The following ABI1 variants were observed in gnomAD, a reference collection of about 807,000 sequenced individuals.
The protein encoded by ABI1 is Abelson interactor 1.
In ABI1, 14 loss-of-function variants were observed where a neutral mutation model predicts 54.6. The observed-to-expected ratio is 0.26, with a 90% CI of 0.17 to 0.40. The LOEUF is 0.40. Among genes scored for constraint, ABI1 ranks in the 10% least tolerant of loss-of-function variants. The pLI is 1.00. For synonymous variants in ABI1, 194 were observed against 209.3 expected (o/e 0.93, Z 0.63); for missense variants, 443 against 598.3 (o/e 0.74, Z 2.71).
At chr10:26,837,064 G>A (rs922663076) in intron 1 of ABI1, among the ~76,000 whole-genome samples, 2 of 152,246 alleles carry the variant, frequency 1.3e-5, no homozygotes, top group Admixed American at 6.5e-5. Context: ...AATGTTACCT[G>A]AGAAATCACT....
intron 8 of ABI1, among the ~76,000 whole-genome samples, chr10:26,758,068 CAAAAAAAAAAA>C (rs71403888): frequency 2.5e-4 from 17 of 67,396 alleles, no homozygotes; most frequent in East Asian, 8.8e-4. Flanking sequence ...AACTCTGTCT[CAAAAAAAAAAA>C]AAAAAAAAAA....
chr10:26,858,183 T>C (rs1455010500), intron 1 of ABI1, among the ~76,000 whole-genome samples: 4 of 152,180 alleles, frequency 2.6e-5, no homozygotes, highest in Non-Finnish European at 4.4e-5. Flanking sequence ...GATATATATT[T>C]AGGAAGAGTA....
chr10:26,779,082 AG>A (rs1190612129), intron 2 of ABI1, among the ~76,000 whole-genome samples: 1 of 152,248 alleles, frequency 6.6e-6, no homozygotes, highest in Non-Finnish European at 1.5e-5. Context: ...CTAACTCATT[AG>A]TTAACAAGGA....
intron 2 of ABI1, among the ~76,000 whole-genome samples, chr10:26,795,944 G>A (rs760820065): frequency 3.3e-5 from 5 of 151,970 alleles, no homozygotes; most frequent in Non-Finnish European, 5.9e-5. Flanking sequence ...AAGGCAATAC[G>A]GAGAAACTCC....
intron 2 of ABI1, among the ~76,000 whole-genome samples, chr10:26,800,665 A>G (rs772961352): frequency 5.3e-5 from 8 of 152,168 alleles, no homozygotes; most frequent in African/African-American, 1.7e-4. Flanking sequence ...CAGGAGGTGG[A>G]GGATGCAACG....
At chr10:26,851,961 AC>A (rs2050427738) in intron 1 of ABI1, among the ~76,000 whole-genome samples, 6 of 152,240 alleles carry the variant, frequency 3.9e-5, no homozygotes, top group Admixed American at 1.3e-4. Context: ...TTGAGGGCGC[AC>A]TTTTGAGTAA....
intron 9 of ABI1, among the ~76,000 whole-genome samples, chr10:26,752,940 A>ATTC (rs1837819924): frequency 2.6e-5 from 4 of 152,284 alleles, no homozygotes; most frequent in Admixed American, 2.6e-4. Flanking sequence ...TGCAGGGGAG[A>ATTC]AGTTCATAAT....
At chr10:26,787,385 C>T (rs1483673469) in intron 2 of ABI1, among the ~76,000 whole-genome samples, 1 of 152,136 alleles carries the variant, frequency 6.6e-6, no homozygotes, top group Non-Finnish European at 1.5e-5. Flanking sequence ...GAATCCACAA[C>T]TCTCCTCCTT....
chr10:26,819,530 G>A (rs1222287972), intron 2 of ABI1, among the ~76,000 whole-genome samples: 1 of 152,164 alleles, frequency 6.6e-6, no homozygotes, highest in African/African-American at 2.4e-5. Flanking sequence ...CAATTAGATA[G>A]AATCAGTAAA....
chr10:26,815,055 G>A (rs2047472046), intron 2 of ABI1, among the ~76,000 whole-genome samples: 1 of 152,076 alleles, frequency 6.6e-6, no homozygotes, highest in South Asian at 2.1e-4. Flanking sequence ...GCCAAGGTAT[G>A]ACAGATGTAA....
intron 1 of ABI1, 50 bp from the exon 2 acceptor site, chr10:26,823,355 A>G: frequency 7.4e-7 from 1 of 1,350,982 alleles, no homozygotes; most frequent in East Asian, 2.8e-5. Context: ...AACATTCATT[A>G]AATATATATT....
In ABI1 at chr10:26,860,920, C is replaced by A. The variant is rs1055214447; in HGVS notation, c.-57G>T. 6.6e-7 allele frequency: 1 copy of A among 1,525,564 alleles called. No homozygotes were observed. The highest frequency in any genetic ancestry group is 9.1e-7 in the Non-Finnish European group (1 of 1,102,424). 94.5% of individuals were successfully genotyped at this position (1,525,564 alleles called of 1,614,324 possible). ...TTAAAGAGACAGAGGCAGCAAGGTCCGCCGAGGCTCCGAGCACCTCACAGC... is the reference window on the plus strand; with the variant it reads ...TTAAAGAGACAGAGGCAGCAAGGTCAGCCGAGGCTCCGAGCACCTCACAGC... On this transcript the variant is annotated 5_prime_UTR_variant, in exon 1 of 11. Transcript: ENST00000376140. This position sits in a 1 kb window ranked among gnomAD's most constrained non-coding sequence, Gnocchi z 4.1.
At chr10:26,757,458 G>A (rs1182370316) in intron 8 of ABI1, among the ~76,000 whole-genome samples, 3 of 151,776 alleles carry the variant, frequency 2.0e-5, no homozygotes, top group Non-Finnish European at 4.4e-5. Context: ...TGTCTAAGTG[G>A]GGAAAAGAAA....
intron 1 of ABI1, among the ~76,000 whole-genome samples, chr10:26,835,609 T>G (rs573450403): frequency 8.7e-4 from 120 of 138,158 alleles, no homozygotes; most frequent in African/African-American, 3.3e-3. Context: ...TATACCTAAT[T>G]TTAAATACAC....
At chr10:26,841,215 G>A (rs974255024) in intron 1 of ABI1, among the ~76,000 whole-genome samples, 4 of 152,168 alleles carry the variant, frequency 2.6e-5, no homozygotes, top group African/African-American at 4.8e-5. Flanking sequence ...ACTCTAGGTG[G>A]ACATCAGCAC....
intron 10 of ABI1, 71 bp from the exon 11 acceptor site, chr10:26,748,816 GACAATT>G (rs1448703721): frequency 8.0e-6 from 9 of 1,130,886 alleles, no homozygotes; most frequent in South Asian, 4.4e-5. Context: ...TTAAGACAAA[GACAATT>G]AAATATATAG....
chr10:26,834,561 A>T (rs1015695208), intron 1 of ABI1, among the ~76,000 whole-genome samples: 1 of 149,642 alleles, frequency 6.7e-6, no homozygotes, highest in Non-Finnish European at 1.5e-5. Context: ...ACACACACAC[A>T]CACACACACA....
At chr10:26,853,406 A>T (rs1356899246) in intron 1 of ABI1, among the ~76,000 whole-genome samples, 1 of 151,896 alleles carries the variant, frequency 6.6e-6, no homozygotes, top group African/African-American at 2.4e-5. Context: ...TTCTTCTACA[A>T]TCAAACCATA....
chr10:26,763,848 G>A, intron 7 of ABI1: 1 of 1,574,434 alleles, frequency 6.4e-7, no homozygotes. Context: ...TGTAAAGTGA[G>A]TTCAATGGCT....
Sources: allele counts gnomAD v4.1 joint callset (sites outside exome capture counted in the v4.1 genomes callset), GRCh38; gene constraint gnomAD v4.1.1; non-coding constraint Gnocchi (gnomAD v3.1); transcripts MANE v1.5; gene names NCBI Gene and HGNC (gene_info 2026-07-23, HGNC 2026-07-21).